The following KSR1 variants were observed in gnomAD, a reference collection of about 807,000 sequenced individuals.
KSR1 encodes the protein kinase suppressor of ras.
KSR1 carries 35 observed loss-of-function variants against 92.9 expected under a neutral mutation model. The ratio of observed to expected loss-of-function variants is 0.38; its 90% CI spans 0.29 to 0.50. KSR1 has a LOEUF of 0.50. Ranked by LOEUF, KSR1 falls within the 20% of genes least tolerant of loss-of-function variation. The probability of loss-of-function intolerance (pLI) is 0.94; values close to 1 mark genes in which losing one functional copy is unlikely to be tolerated. For synonymous variants in KSR1, 467 were observed against 472.6 expected, an observed-to-expected ratio of 0.99 and a Z score of 0.15; for missense variants, 972 against 1,158.5, an observed-to-expected ratio of 0.84 and a Z score of 2.34.
chr17:27,536,547 A>T (rs1054790062), intron 1 of KSR1, among the ~76,000 whole-genome samples: 2 of 152,160 alleles, frequency 1.3e-5, no homozygotes, highest in African/African-American at 4.8e-5. Flanking sequence ...CAGAATGAGG[A>T]TCGTTCAGAA....
chr17:27,621,834 C>T, intron 20 of KSR1: 5 of 1,265,608 alleles, frequency 4.0e-6, no homozygotes, highest in East Asian at 2.3e-5. Flanking sequence ...GTCCCCTGCC[C>T]AGCTGCTCTG....
chr17:27,581,992 T>C (rs529031829), intron 3 of KSR1, among the ~76,000 whole-genome samples: 3 of 152,254 alleles, frequency 2.0e-5, no homozygotes, highest in South Asian at 2.1e-4. Flanking sequence ...GTCCCAATGT[T>C]TGAATTTTCT....
Position 27,605,721 on chromosome 17 carries a change from A to C in KSR1, c.1902A>C (p.Lys634Asn), listed in dbSNP as rs771801334. ...AGGACCACCTGAAGCTCTTCAAGAA[A>C]GAGGTGATGAACTACCGGCAGACGC... Reference protein sequence around the residue: ...HNQDHLKLFKKEVMNYRQTRH... With the variant: ...HNQDHLKLFKNEVMNYRQTRH... The change falls in exon 14 of 21, where the codon AAA (lysine) becomes AAC (asparagine). Residue 634 changes from lysine (K) to asparagine (N), a missense_variant. By Grantham distance (94) the Lys-to-Asn change is moderately conservative. Around this residue, in one of 5 missense-constraint regions of KSR1, gnomAD observed 260 missense variants for 375.2 expected, o/e 0.69. Coordinates refer to ENST00000644974, the MANE Select transcript of KSR1 (RefSeq NM_001394583.1). 3.1e-6 allele frequency: 5 copies of C among 1,612,840 alleles called. No individual in the cohort carries two copies. In the African/African-American group the frequency reaches 4.0e-5, roughly 13 times the overall value.
intron 1 of KSR1, among the ~76,000 whole-genome samples, chr17:27,469,389 G>T (rs1205590027): frequency 6.6e-6 from 1 of 152,084 alleles, no homozygotes; most frequent in African/African-American, 2.4e-5. Context: ...TCTGAGTTTG[G>T]CCTCCACAAC....
intron 2 of KSR1, among the ~76,000 whole-genome samples, chr17:27,555,576 C>CT (rs1199969151): frequency 6.6e-6 from 1 of 151,974 alleles, no homozygotes; most frequent in African/African-American, 2.4e-5. Context: ...CTTTCTGACA[C>CT]TACAGTATGC....
chr17:27,460,830 G>A (rs764540963), intron 1 of KSR1, among the ~76,000 whole-genome samples: 9 of 152,180 alleles, frequency 5.9e-5, no homozygotes, highest in East Asian at 1.9e-4. Context: ...GTTGAGGCAC[G>A]TTCCCTGGAC....
chr17:27,477,737 G>A (rs1340537480), intron 1 of KSR1, among the ~76,000 whole-genome samples: 6 of 150,760 alleles, frequency 4.0e-5, no homozygotes, highest in Non-Finnish European at 8.9e-5. Context: ...TTTTGAGACA[G>A]GGTCTCACTC....
At chr17:27,569,025 G>C (rs983023100) in intron 2 of KSR1, among the ~76,000 whole-genome samples, 6 of 152,122 alleles carry the variant, frequency 3.9e-5, no homozygotes, top group African/African-American at 9.7e-5. Flanking sequence ...GTTCCATCCT[G>C]ACCCACTTTT....
intron 11 of KSR1, among the ~76,000 whole-genome samples, chr17:27,603,213 C>T (rs1319873025): frequency 6.6e-6 from 1 of 152,192 alleles, no homozygotes; most frequent in African/African-American, 2.4e-5. Flanking sequence ...CCCCAGCTGC[C>T]CACTCTTGGG....
intron 19 of KSR1, among the ~76,000 whole-genome samples, chr17:27,618,863 A>G (rs1432843959): frequency 6.6e-6 from 1 of 152,180 alleles, no homozygotes; most frequent in East Asian, 1.9e-4. Flanking sequence ...TTTCCAAAAA[A>G]AATTTTTGTA....
chr17:27,487,983 G>A (rs1326472998), intron 1 of KSR1, among the ~76,000 whole-genome samples: 3 of 152,158 alleles, frequency 2.0e-5, no homozygotes, highest in Middle Eastern at 3.4e-3. Flanking sequence ...CTCCAACATC[G>A]GGGACCACAT....
At chr17:27,595,885 G>T (rs1207160979) in intron 9 of KSR1, among the ~76,000 whole-genome samples, 1 of 152,070 alleles carries the variant, frequency 6.6e-6, no homozygotes, top group Non-Finnish European at 1.5e-5. Context: ...ATCATGCCAG[G>T]CCCATCTCCC....
chr17:27,557,183 T>C (rs959320627), intron 2 of KSR1, among the ~76,000 whole-genome samples: 3 of 152,158 alleles, frequency 2.0e-5, no homozygotes, highest in African/African-American at 7.2e-5. Flanking sequence ...TGGAGGATAT[T>C]AGAGCTAGAC....
intron 1 of KSR1, among the ~76,000 whole-genome samples, chr17:27,479,212 G>T (rs1287145598): frequency 6.7e-6 from 1 of 150,102 alleles, no homozygotes; most frequent in Non-Finnish European, 1.5e-5. Flanking sequence ...CTCCATCCAT[G>T]CTCCTCCCTG....
chr17:27,478,812 GGTCCCCT>G lies in KSR1; in HGVS notation c.231+21939_231+21945del, dbSNP rs527891770. Among the ~76,000 whole-genome samples the G allele has an allele frequency of 3.6e-3, 555 of 152,234 alleles. 4 individuals are homozygous for G. Among genetic ancestry groups the G allele is most frequent in the African/African-American group, 0.013 (528 of 41,532 alleles). On this transcript the variant is annotated intron_variant, in intron 1 of 20. Transcript: ENST00000644974. ...CTTTGTCATGCTGTGACCCTGGGCA[GGTCCCCT>G]CCTGGGAATCCATTTCCTAATCTGT...
intron 1 of KSR1, among the ~76,000 whole-genome samples, chr17:27,545,625 T>C (rs1874938855): frequency 6.6e-6 from 1 of 152,232 alleles, no homozygotes; most frequent in South Asian, 2.1e-4. Context: ...TCCCAGAGTT[T>C]CCAGCCTGAA....
rs1233577793 is a variant in KSR1, at chr17:27,559,385, G to A, written c.372+8677G>A. On this transcript the variant is annotated intron_variant, in intron 2 of 20. Coordinates refer to ENST00000644974, the MANE Select transcript of KSR1 (RefSeq NM_001394583.1). This position sits in a 1 kb window ranked among gnomAD's most constrained non-coding sequence, Gnocchi z 4.2. ...CCTGCATGTGTTTGCCCAACCACTA[G>A]ATCTTCATCTAGAGCAGCGCTGTTC... is the stretch of plus-strand genomic sequence containing the variant. Among the ~76,000 whole-genome samples, 1 of 152,222 alleles carries A rather than the reference G, an allele frequency of 6.6e-6. No homozygotes were observed. The highest frequency in any genetic ancestry group is 1.5e-5 in the Non-Finnish European group (1 of 68,046).
At chr17:27,622,617 G>A (rs140037677) in intron 20 of KSR1, 3 of 152,872 alleles carry the variant, frequency 2.0e-5, no homozygotes, top group Non-Finnish European at 1.5e-5. Context: ...AAGCAAAGAG[G>A]TACCTGGCTC....
chr17:27,525,263 G>T (rs929200575), intron 1 of KSR1, among the ~76,000 whole-genome samples: 5 of 152,214 alleles, frequency 3.3e-5, no homozygotes, highest in African/African-American at 1.2e-4. Flanking sequence ...TGCACAAGGG[G>T]GTGAAGGGTT....
Sources: gnomAD v4.1 joint callset for allele counts (sites outside exome capture counted in the v4.1 genomes callset) on GRCh38, gnomAD v4.1.1 for gene constraint, gnomAD v4.1.1 regional missense constraint, Gnocchi (gnomAD v3.1) non-coding constraint, MANE v1.5 for transcripts, NCBI Gene and HGNC (gene_info 2026-07-23, HGNC 2026-07-21) for gene names.